GPHN: variants seen among roughly 807,000 people sequenced by gnomAD.
GPHN encodes gephyrin.
Under a neutral mutation model 95.5 loss-of-function variants are expected in GPHN, and 17 were observed. The ratio of observed to expected loss-of-function variants is 0.18; its 90% confidence interval spans 0.12 to 0.27. The LOEUF is 0.27. Among genes scored for constraint, GPHN ranks in the 10% least tolerant of loss-of-function variants. GPHN has a pLI of 1.00. For missense variants in GPHN, 660 were observed against 978.1 expected (o/e 0.67, Z 4.34); for synonymous variants, 320 against 322.5 (o/e 0.99, Z 0.08).
At chr14:67,393,634 A>G in the GPHN span, among the ~76,000 whole-genome samples, 4 of 151,976 alleles carry the variant, frequency 2.6e-5, no homozygotes, top group African/African-American at 4.8e-5. Flanking sequence ...TTGTAGTTTT[A>G]GTAGAGATGG....
chr14:67,582,075 CT>C, the GPHN span: 1 of 1,609,792 alleles, frequency 6.2e-7, no homozygotes, highest in Non-Finnish European at 8.5e-7. The surrounding 1 kb of genome is among the most constrained non-coding windows in gnomAD (Gnocchi z 5.0). Flanking sequence ...GTAGGCTGTA[CT>C]TTCGCAGTCA....
At chr14:67,498,007 G>A in the GPHN span, among the ~76,000 whole-genome samples, 7 of 151,858 alleles carry the variant, frequency 4.6e-5, no homozygotes, top group South Asian at 2.1e-4. Context: ...CCCACTACCC[G>A]TCAACACTCC....
At chr14:66,774,081 G>A (rs1051738100) in intron 2 of GPHN, among the ~76,000 whole-genome samples, 2 of 130,920 alleles carry the variant, frequency 1.5e-5, no homozygotes, top group African/African-American at 6.0e-5. Flanking sequence ...TCGGCTCACT[G>A]CAACTCCGCC....
intron 19 of GPHN, among the ~76,000 whole-genome samples, chr14:67,162,472 G>A (rs1175920238): frequency 6.6e-6 from 1 of 152,146 alleles, no homozygotes; most frequent in Non-Finnish European, 1.5e-5. Context: ...CTATTTCCAC[G>A]TAACAGTGCT....
chr14:66,796,782 C>T (rs2060171673), intron 3 of GPHN, among the ~76,000 whole-genome samples: 1 of 151,988 alleles, frequency 6.6e-6, no homozygotes, highest in Non-Finnish European at 1.5e-5. Context: ...TGTCTCTTCA[C>T]TCTATTGATT....
At chr14:67,398,674 T>C in the GPHN span, among the ~76,000 whole-genome samples, 3 of 151,600 alleles carry the variant, frequency 2.0e-5, no homozygotes, top group Non-Finnish European at 2.9e-5. Flanking sequence ...CCACCTAAAC[T>C]ACTTCCCGAG....
the GPHN span, among the ~76,000 whole-genome samples, chr14:67,339,608 G>C: frequency 2.0e-5 from 3 of 152,034 alleles, no homozygotes; most frequent in Non-Finnish European, 4.4e-5. Flanking sequence ...CCAATTCATG[G>C]ACATGCATAA....
intron 2 of GPHN, among the ~76,000 whole-genome samples, chr14:66,685,083 C>G (rs1251832671): frequency 1.3e-5 from 2 of 152,166 alleles, no homozygotes; most frequent in Non-Finnish European, 2.9e-5. Flanking sequence ...GTGAACTCAT[C>G]CTTTTTTATG....
the GPHN span, among the ~76,000 whole-genome samples, chr14:67,233,771 G>C: frequency 2.6e-5 from 4 of 152,204 alleles, no homozygotes; most frequent in African/African-American, 9.6e-5. Context: ...TTTCCTGATG[G>C]GTTGAACGTG....
intron 2 of GPHN, among the ~76,000 whole-genome samples, chr14:66,765,983 A>T (rs979870785): frequency 6.6e-5 from 10 of 152,198 alleles, no homozygotes; most frequent in Non-Finnish European, 5.9e-5. Flanking sequence ...TAGAATACAT[A>T]AAACAATTGT....
intron 21 of GPHN, among the ~76,000 whole-genome samples, chr14:67,178,446 G>T (rs1027643212): frequency 1.3e-5 from 2 of 152,134 alleles, no homozygotes; most frequent in African/African-American, 4.8e-5. Context: ...ATTTTGATGG[G>T]CTTCCCTTTG....
Position 67,009,436 on chromosome 14 carries a change from C to A in GPHN, c.964-14197C>A, listed in dbSNP as rs183303503. On this transcript the variant is annotated intron_variant, in intron 9 of 22. Coordinates refer to ENST00000478722, the MANE Select transcript of GPHN (RefSeq NM_020806.5). ...AAAAATTTTATGCATCATATAATGA[C>A]CCTGTCAAAAGACTATTTATAAATA... Among the ~76,000 whole-genome samples, 409 of 152,042 alleles carry A rather than the reference C, an allele frequency of 2.7e-3. 2 individuals carry two copies. Among genetic ancestry groups the A allele is most frequent in the African/African-American group, 9.3e-3 (385 of 41,490 alleles).
At chr14:66,677,159 T>C (rs2066650638) in intron 1 of GPHN, among the ~76,000 whole-genome samples, 2 of 152,098 alleles carry the variant, frequency 1.3e-5, no homozygotes, top group African/African-American at 4.8e-5. Context: ...TGATTTTACT[T>C]ATTTGAGTCT....
At chr14:67,287,185 C>T in the GPHN span, among the ~76,000 whole-genome samples, 1 of 152,044 alleles carries the variant, frequency 6.6e-6, no homozygotes, top group South Asian at 2.1e-4. Context: ...CACCACCGAA[C>T]TCTAGCCAGG....
At chr14:67,420,383 G>C in the GPHN span, among the ~76,000 whole-genome samples, 1 of 152,250 alleles carries the variant, frequency 6.6e-6, no homozygotes, top group Admixed American at 6.5e-5. Context: ...CCAAGGCAGA[G>C]CTGTGAACGA....
At chr14:66,817,441 TAGTC>T (rs775222637) in intron 3 of GPHN, among the ~76,000 whole-genome samples, 5 of 152,146 alleles carry the variant, frequency 3.3e-5, no homozygotes, top group South Asian at 2.1e-4. Flanking sequence ...AAATTGGAAA[TAGTC>T]AGAAAAAGAA....
In GPHN at chr14:66,817,908, C is replaced by A. The variant is rs2061042448; in HGVS notation, c.202-6566C>A. Among the ~76,000 whole-genome samples the A allele has an allele frequency of 2.0e-5, 3 of 152,240 alleles. No homozygotes were observed. In the South Asian group the frequency reaches 6.2e-4, roughly 32 times the overall value. ...CCATTGATCAAATCAAGTCAGAAATCCAGCCCAGTTGCAAGGGTTGTAGAA... is the reference window on the plus strand; with the variant it reads ...CCATTGATCAAATCAAGTCAGAAATACAGCCCAGTTGCAAGGGTTGTAGAA... On this transcript the variant is annotated intron_variant, in intron 3 of 22. Coordinates refer to ENST00000478722, the MANE Select transcript of GPHN (RefSeq NM_020806.5).
chr14:66,836,784 G>A, intron 4 of GPHN, among the ~76,000 whole-genome samples: 1 of 151,860 alleles, frequency 6.6e-6, no homozygotes, highest in Admixed American at 6.6e-5. Flanking sequence ...GAGGGCGAAG[G>A]ACATGAACAG....
intron 9 of GPHN, among the ~76,000 whole-genome samples, chr14:67,011,808 GTGT>G (rs2073028257): frequency 6.8e-6 from 1 of 146,948 alleles, no homozygotes; most frequent in South Asian, 2.1e-4. Context: ...AAATATGTGT[GTGT>G]TGTGTGTATA....
Sources: allele counts gnomAD v4.1 joint callset (sites outside exome capture counted in the v4.1 genomes callset), GRCh38; gene constraint gnomAD v4.1.1; non-coding constraint Gnocchi (gnomAD v3.1); transcripts MANE v1.5; gene names NCBI Gene and HGNC (gene_info 2026-07-23, HGNC 2026-07-21).